Variants in YBEY observed in about 807,000 individuals in gnomAD.
YBEY encodes the protein endoribonuclease YbeY.
A neutral mutation model predicts 13.5 loss-of-function variants in YBEY; 15 were observed. The ratio of observed to expected loss-of-function variants is 1.11; its 90% CI spans 0.75 to 1.72. The LOEUF (loss-of-function observed/expected upper bound fraction) is 1.72, where lower values mean the gene tolerates loss of function less well. Ranked by LOEUF, YBEY falls within the 40% of genes most tolerant of loss-of-function variation. YBEY has a pLI of 0.00. For missense variants in YBEY, 244 were observed against 208.4 expected, an observed-to-expected ratio of 1.17 and a Z score of -1.05; for synonymous variants, 101 against 83.1, an observed-to-expected ratio of 1.21 and a Z score of -1.17.
At position 46,294,679 on chromosome 21, in the gene YBEY, C is replaced by T. The variant is rs887951873; in HGVS notation, c.340-1483C>T. Among the ~76,000 whole-genome samples, 21 of 151,164 alleles carry T rather than the reference C, an allele frequency of 1.4e-4. 2 individuals are homozygous for T. Among genetic ancestry groups the T allele is most frequent in the African/African-American group, 4.9e-4 (20 of 40,976 alleles). Reference sequence around the variant, plus strand: ...TCCCGCGGTTAGCCTGACCCGTGCCCGGGACTCAGTGGAGTCAGCCACCCC... The same window carrying T: ...TCCCGCGGTTAGCCTGACCCGTGCCTGGGACTCAGTGGAGTCAGCCACCCC... On this transcript the variant is annotated intron_variant, in intron 3 of 4. Coordinates refer to ENST00000397701, the MANE Select transcript of YBEY (RefSeq NM_001314025.2).
chr21:46,310,498 A>T, the YBEY span, among the ~76,000 whole-genome samples: 11 of 117,472 alleles, frequency 9.4e-5, no homozygotes, highest in Admixed American at 3.1e-4. Flanking sequence ...AAATAAAAAT[A>T]AAAAAAAAAA....
intron 3 of YBEY, among the ~76,000 whole-genome samples, chr21:46,292,556 G>A (rs697806): frequency 0.27 from 26,899 of 99,336 alleles, 5,495 homozygotes; most frequent in Admixed American, 0.42. Flanking sequence ...GGACAGCCAC[G>A]CAAGTTAAAC....
the YBEY span, among the ~76,000 whole-genome samples, chr21:46,308,156 C>G: frequency 6.6e-6 from 1 of 151,898 alleles, no homozygotes; most frequent in East Asian, 2.0e-4. Flanking sequence ...ACCGCACCTG[C>G]TGATTTAACT....
chr21:46,286,414 C>G lies in YBEY; in HGVS notation c.-46C>G, dbSNP rs906069714. On this transcript the variant is annotated splice_region_variant and 5_prime_UTR_variant, in exon 1 of 5. Coordinates refer to ENST00000397701, the MANE Select transcript of YBEY (RefSeq NM_001314025.2). ...CGCGTCCTTTGCTGGGTCCAGACAC[C>G]GGTACGTCCGGGCGGGTTTTTAGTC... 6.4e-6 allele frequency: 1 copy of G among 156,778 alleles called. No individual in the cohort carries two copies. The highest frequency in any genetic ancestry group is 1.4e-5 in the Non-Finnish European group (1 of 70,966). The allele number at this position is 156,778 out of a possible 1,614,324, so 9.7% of individuals were successfully genotyped here. A position where few individuals can be genotyped will look rare whatever the true frequency, so the allele number is the denominator to read the frequency against.
intron 3 of YBEY, among the ~76,000 whole-genome samples, chr21:46,295,633 C>A (rs2081926441): frequency 6.6e-6 from 1 of 152,144 alleles, no homozygotes; most frequent in African/African-American, 2.4e-5. Flanking sequence ...TCCGCCTCCG[C>A]CTTCATACCT....
At chr21:46,299,821 C>T (rs1314430922), downstream of YBEY, among the ~76,000 whole-genome samples, 1 of 151,950 alleles carries the variant, frequency 6.6e-6, no homozygotes, top group Non-Finnish European at 1.5e-5. Context: ...TACCAGGCAC[C>T]CAGACCCCAA....
downstream of YBEY, among the ~76,000 whole-genome samples, chr21:46,300,977 G>A (rs1440442980): frequency 5.3e-5 from 8 of 152,116 alleles, no homozygotes; most frequent in Admixed American, 5.2e-4. Context: ...TGAACTGAGG[G>A]GAGTGAGCCG....
downstream of YBEY, chr21:46,300,529 G>T: frequency 1.9e-6 from 1 of 534,494 alleles, no homozygotes; most frequent in Non-Finnish European, 2.6e-6. Flanking sequence ...AGCTTTTAAC[G>T]AGAGCACAGA....
chr21:46,307,400 G>A, the YBEY span, among the ~76,000 whole-genome samples: 366 of 151,410 alleles, frequency 2.4e-3, 5 homozygotes, highest in African/African-American at 8.4e-3. Flanking sequence ...CCCCTACCTC[G>A]GTATGCTTTT....
At chr21:46,298,118 T>G, downstream of YBEY, among the ~76,000 whole-genome samples, 1 of 152,236 alleles carries the variant, frequency 6.6e-6, no homozygotes. Flanking sequence ...CGGACACCGC[T>G]CTAGCCAGGG....
At chr21:46,295,663 G>T (rs924122966) in intron 3 of YBEY, among the ~76,000 whole-genome samples, 1 of 152,136 alleles carries the variant, frequency 6.6e-6, no homozygotes, top group African/African-American at 2.4e-5. Flanking sequence ...TCCCTGTGCT[G>T]CCTGTGCCCC....
rs924099852 is a variant in YBEY at position 46,291,541 on chromosome 21, A to C, written c.339+79A>C. 2.5e-6 allele frequency: 4 copies of C among 1,584,028 alleles called. No homozygotes were observed. The African/African-American group carries it at 4.1e-5, about 16-fold the overall frequency. On this transcript the variant is annotated intron_variant, in intron 3 of 4. Coordinates refer to ENST00000397701, the MANE Select transcript of YBEY (RefSeq NM_001314025.2). ...AAAGGGGTCAAGATCACAACCCTGC[A>C]TCCATGTGTGTCCGTGGGTACCGTA...
chr21:46,302,737 C>T (rs537758446), downstream of YBEY, among the ~76,000 whole-genome samples: 23 of 149,696 alleles, frequency 1.5e-4, no homozygotes, highest in African/African-American at 4.9e-4. Flanking sequence ...GTCCCCGGGG[C>T]GCGCCCTGAG....
At chr21:46,292,007 T>TG (rs1006946206) in intron 3 of YBEY, 1 of 305,554 alleles carries the variant, frequency 3.3e-6, no homozygotes, top group African/African-American at 2.3e-5. Flanking sequence ...ACAGGCAATT[T>TG]GGCAGGCAGG....
intron 4 of YBEY, 27 bp downstream of exon 4, chr21:46,296,257 G>A (rs751877748): frequency 5.0e-6 from 8 of 1,612,356 alleles, no homozygotes; most frequent in South Asian, 1.1e-5. Flanking sequence ...TCCCACTACC[G>A]AGGGGGTGCG....
chr21:46,287,220 G>T, intron 2 of YBEY, 97 bp downstream of exon 2: 1 of 1,229,876 alleles, frequency 8.1e-7, no homozygotes, highest in Non-Finnish European at 1.1e-6. Flanking sequence ...AATTGAGACG[G>T]AGTCTTGCTC....
chr21:46,306,558 A>G, the YBEY span, among the ~76,000 whole-genome samples: 17 of 152,138 alleles, frequency 1.1e-4, no homozygotes, highest in Admixed American at 1.1e-3. Context: ...CTCAGTATCT[A>G]CTTTCCTGCA....
intron 2 of YBEY, 101 bp downstream of exon 2, chr21:46,287,224 C>T (rs369839580): frequency 1.6e-4 from 187 of 1,177,382 alleles, no homozygotes; most frequent in African/African-American, 2.5e-4. Flanking sequence ...GAGACGGAGT[C>T]TTGCTCTGTC....
At chr21:46,300,886 AAAAGTAACAAAAAGT>A (rs1436124041), downstream of YBEY, 3 of 993,534 alleles carry the variant, frequency 3.0e-6, no homozygotes, top group East Asian at 1.8e-4. Context: ...ACCCAAAAAA[AAAAGTAACAAAAAGT>A]AAAGAAAAGA....
Sources: gnomAD v4.1 joint callset for allele counts (sites outside exome capture counted in the v4.1 genomes callset) on GRCh38, gnomAD v4.1.1 for gene constraint, MANE v1.5 for transcripts, NCBI Gene and HGNC (gene_info 2026-07-23, HGNC 2026-07-21) for gene names.